GALNTL6: variants seen among roughly 807,000 people sequenced by gnomAD.
GALNTL6 encodes the protein polypeptide N-acetylgalactosaminyltransferase-like 6.
In GALNTL6, 46 loss-of-function variants were observed where a neutral mutation model predicts 73.7. That is an observed-to-expected ratio of 0.62 (90% CI 0.49 to 0.80). GALNTL6 has a LOEUF of 0.80. Among genes scored for constraint, GALNTL6 ranks in the 30% least tolerant of loss-of-function variants. The pLI is 0.00. For synonymous variants in GALNTL6, 259 were observed against 263.7 expected (o/e 0.98, Z 0.17); for missense variants, 604 against 755.0 (o/e 0.80, Z 2.34).
chr4:172,107,030 C>T (rs765178909), intron 2 of GALNTL6, among the ~76,000 whole-genome samples: 42 of 152,114 alleles, frequency 2.8e-4, no homozygotes, highest in Non-Finnish European at 5.6e-4. Flanking sequence ...TGTGCCACCA[C>T]GCCCGGATAA....
chr4:172,380,386 A>G (rs1296010550), intron 5 of GALNTL6: 2 of 662,934 alleles, frequency 3.0e-6, no homozygotes, highest in East Asian at 6.6e-5. Context: ...CCACATGAAA[A>G]TAATGGATGT....
chr4:172,627,332 A>G (rs188350278), intron 5 of GALNTL6, among the ~76,000 whole-genome samples: 111 of 152,312 alleles, frequency 7.3e-4, no homozygotes, highest in Middle Eastern at 3.4e-3. Flanking sequence ...CCAGCATCCC[A>G]GTAATCAAGC....
At chr4:172,098,199 C>T (rs1041957868) in intron 2 of GALNTL6, among the ~76,000 whole-genome samples, 1 of 151,828 alleles carries the variant, frequency 6.6e-6, no homozygotes. Flanking sequence ...ATCTATATAT[C>T]TATGTATATA....
At chr4:172,347,997 TTA>T (rs1741809618) in intron 4 of GALNTL6, among the ~76,000 whole-genome samples, 1 of 152,182 alleles carries the variant, frequency 6.6e-6, no homozygotes, top group African/African-American at 2.4e-5. Context: ...CAGTTAACAG[TTA>T]TTTTAAATTG....
intron 2 of GALNTL6, among the ~76,000 whole-genome samples, chr4:172,092,700 T>G (rs767705789): frequency 6.6e-6 from 1 of 152,018 alleles, no homozygotes; most frequent in Non-Finnish European, 1.5e-5. Flanking sequence ...AATCAAAAGA[T>G]CTAATAAAAA....
chr4:172,173,298 A>G (rs149976509), intron 2 of GALNTL6, among the ~76,000 whole-genome samples: 1 of 152,324 alleles, frequency 6.6e-6, no homozygotes, highest in East Asian at 1.9e-4. Context: ...GACGGCATAT[A>G]TCCAGTCATG....
intron 2 of GALNTL6, among the ~76,000 whole-genome samples, chr4:172,116,145 C>G (rs187551445): frequency 6.6e-6 from 1 of 151,806 alleles, no homozygotes; most frequent in Admixed American, 6.6e-5. Context: ...ATTTATTCTA[C>G]GATTATCTTA....
chr4:172,235,668 G>T (rs768086276), intron 3 of GALNTL6, among the ~76,000 whole-genome samples: 2 of 151,886 alleles, frequency 1.3e-5, no homozygotes, highest in South Asian at 2.1e-4. Context: ...TGTTTCAGGG[G>T]ATATGTGTGC....
intron 8 of GALNTL6, among the ~76,000 whole-genome samples, chr4:172,892,860 C>A (rs899580253): frequency 2.0e-5 from 3 of 152,100 alleles, no homozygotes; most frequent in Admixed American, 2.0e-4. Context: ...TCAGGGGCAG[C>A]CCAAGGCAAG....
chr4:172,679,512 A>G (rs1261069396), intron 5 of GALNTL6, among the ~76,000 whole-genome samples: 1 of 152,012 alleles, frequency 6.6e-6, no homozygotes, highest in Non-Finnish European at 1.5e-5. Context: ...TAAAACATTG[A>G]CAGAGTGGGC....
chr4:172,113,759 G>C (rs1732917368), intron 2 of GALNTL6, among the ~76,000 whole-genome samples: 1 of 152,058 alleles, frequency 6.6e-6, no homozygotes, highest in South Asian at 2.1e-4. Context: ...GACCAAAGCA[G>C]ACAAGACCCT....
chr4:172,072,037 T>C (rs1731557511), intron 2 of GALNTL6, among the ~76,000 whole-genome samples: 1 of 152,194 alleles, frequency 6.6e-6, no homozygotes, highest in Admixed American at 6.5e-5. Flanking sequence ...GTCTGTTTTA[T>C]AACTGGCTGG....
chr4:172,527,347 C>T (rs898311087), intron 5 of GALNTL6, among the ~76,000 whole-genome samples: 1 of 152,220 alleles, frequency 6.6e-6, no homozygotes, highest in Admixed American at 6.5e-5. Flanking sequence ...AAGAGAATTG[C>T]TGATTGCCAC....
At chr4:171,933,238 G>C (rs1303233823) in intron 2 of GALNTL6, among the ~76,000 whole-genome samples, 1 of 152,142 alleles carries the variant, frequency 6.6e-6, no homozygotes, top group Non-Finnish European at 1.5e-5. Context: ...TTTTAAATCA[G>C]TCCCTCTCTT....
intron 7 of GALNTL6, among the ~76,000 whole-genome samples, chr4:172,864,506 G>A (rs1262328583): frequency 6.6e-6 from 1 of 152,194 alleles, no homozygotes; most frequent in Admixed American, 6.5e-5. Flanking sequence ...CTATTTAGAA[G>A]GTGGCATAAG....
At chr4:172,435,371 G>A (rs1163275249) in intron 5 of GALNTL6, among the ~76,000 whole-genome samples, 1 of 152,132 alleles carries the variant, frequency 6.6e-6, no homozygotes, top group African/African-American at 2.4e-5. Flanking sequence ...GGGAAAGGAA[G>A]AACATGAACT....
intron 5 of GALNTL6, among the ~76,000 whole-genome samples, chr4:172,403,427 A>C (rs1026114324): frequency 2.0e-5 from 3 of 152,112 alleles, no homozygotes; most frequent in Non-Finnish European, 2.9e-5. Context: ...CATTGAACAC[A>C]TTTAAGAAGT....
intron 10 of GALNTL6, among the ~76,000 whole-genome samples, chr4:172,982,742 T>A (rs6856865): frequency 0.98 from 148,500 of 152,294 alleles, 72,547 homozygotes; most frequent in Middle Eastern, 1. Flanking sequence ...AAAAAAAAGA[T>A]AAGATATTTT....
intron 5 of GALNTL6, among the ~76,000 whole-genome samples, chr4:172,672,463 C>G (rs780980052): frequency 1.3e-5 from 2 of 152,098 alleles, no homozygotes; most frequent in African/African-American, 2.4e-5. Context: ...AAATATTGGC[C>G]TGAATTTTTC....
Sources: gnomAD v4.1 joint callset for allele counts (sites outside exome capture counted in the v4.1 genomes callset) on GRCh38, gnomAD v4.1.1 for gene constraint, MANE v1.5 for transcripts, NCBI Gene and HGNC (gene_info 2026-07-23, HGNC 2026-07-21) for gene names.